MAN1C1: variants seen among roughly 807,000 people sequenced by gnomAD.
The protein encoded by MAN1C1 is mannosidase alpha class 1C member 1, also known as mannosyl-oligosaccharide 1,2-alpha-mannosidase IC.
In MAN1C1, 49 loss-of-function variants were observed where a neutral mutation model predicts 71.5. That is an observed-to-expected ratio of 0.69 (90% CI 0.54 to 0.87). The LOEUF is 0.87. Ranked by LOEUF, MAN1C1 falls within the 40% of genes least tolerant of loss-of-function variation. The probability of loss-of-function intolerance (pLI) is 0.00; values close to 1 mark genes in which losing one functional copy is unlikely to be tolerated. For synonymous variants in MAN1C1, 352 were observed against 343.7 expected, an observed-to-expected ratio of 1.02 and a Z score of -0.27; for missense variants, 743 against 835.0, an observed-to-expected ratio of 0.89 and a Z score of 1.36.
chr1:25,658,884 CA>C, intron 1 of MAN1C1: 1 of 152,616 alleles, frequency 6.6e-6, no homozygotes, highest in Non-Finnish European at 1.5e-5. Flanking sequence ...CACACACACA[CA>C]ATCTGAGCGG....
At chr1:25,698,006 A>G (rs2124208258) in intron 2 of MAN1C1, among the ~76,000 whole-genome samples, 1 of 152,242 alleles carries the variant, frequency 6.6e-6, no homozygotes, top group East Asian at 1.9e-4. Flanking sequence ...ACTGCCTGCT[A>G]AGCGCTGGTC....
intron 1 of MAN1C1, among the ~76,000 whole-genome samples, chr1:25,650,118 A>AT (rs1178800768): frequency 6.6e-6 from 1 of 152,174 alleles, no homozygotes; most frequent in African/African-American, 2.4e-5. Context: ...GTACACTCCC[A>AT]TGTCCACAGC....
At chr1:25,774,526 C>T (rs551551497) in intron 8 of MAN1C1, among the ~76,000 whole-genome samples, 23 of 152,294 alleles carry the variant, frequency 1.5e-4, no homozygotes, top group Admixed American at 7.2e-4. Context: ...ACCCCTCCCG[C>T]GAGTGCTCAG....
rs529855058 is a variant in MAN1C1 at position 25,673,980 on chromosome 1, C to G, written c.541-12460C>G. 2.8e-4 allele frequency among the ~76,000 whole-genome samples: 42 copies of G among 152,282 alleles called. No homozygotes were observed. In the South Asian group the frequency reaches 8.3e-3, roughly 30 times the overall value. On this transcript the variant is annotated intron_variant, in intron 1 of 11. Coordinates refer to ENST00000374332, the MANE Select transcript of MAN1C1 (RefSeq NM_020379.4). ...ACTTGTGGGTGACCTAAGATCTTTC[C>G]CACTGTCACTCATCTTTGTCCCCCA...
chr1:25,766,200 G>A (rs1245875669), intron 7 of MAN1C1, among the ~76,000 whole-genome samples: 2 of 152,158 alleles, frequency 1.3e-5, no homozygotes, highest in Non-Finnish European at 2.9e-5. Flanking sequence ...TCGCATATGG[G>A]AAATTGTTTC....
At chr1:25,692,117 C>A (rs367867191) in intron 2 of MAN1C1, among the ~76,000 whole-genome samples, 1 of 152,206 alleles carries the variant, frequency 6.6e-6, no homozygotes, top group South Asian at 2.1e-4. Context: ...AGAATGTTAA[C>A]TGGGGGACCG....
chr1:25,679,974 T>TAC (rs1387518952), intron 1 of MAN1C1, among the ~76,000 whole-genome samples: 6 of 132,230 alleles, frequency 4.5e-5, no homozygotes, highest in African/African-American at 9.2e-5. Flanking sequence ...TATATATATA[T>TAC]ATATACACAC....
rs558954430 is a variant in MAN1C1 at position 25,729,642 on chromosome 1, G to T, written c.638-17026G>T. On this transcript the variant is annotated intron_variant, in intron 2 of 11. Transcript: ENST00000374332. ...TTCTCCTGCCTCAGCCTCCCGAGTA[G>T]CTGGGACTACAGGCGCCCACCACCA... Among the ~76,000 whole-genome samples, 45 of 152,086 alleles carry T rather than the reference G, an allele frequency of 3.0e-4. No homozygotes were observed. In the Middle Eastern group the frequency reaches 0.01, roughly 35 times the overall value.
chr1:25,682,525 T>C (rs1227657162), intron 1 of MAN1C1, among the ~76,000 whole-genome samples: 1 of 152,114 alleles, frequency 6.6e-6, no homozygotes, highest in African/African-American at 2.4e-5. Flanking sequence ...GAACACTATG[T>C]CATGTGGGTC....
chr1:25,666,175 TTTC>T (rs1014021536), intron 1 of MAN1C1, among the ~76,000 whole-genome samples: 7 of 152,334 alleles, frequency 4.6e-5, no homozygotes, highest in African/African-American at 1.7e-4. Context: ...ATGCCTCTGA[TTTC>T]TTCTGGCTCT....
chr1:25,759,868 C>T (rs1242020039), intron 6 of MAN1C1: 2 of 152,162 alleles, frequency 1.3e-5, no homozygotes, highest in Non-Finnish European at 2.9e-5. Flanking sequence ...TGCCGCCACC[C>T]TTAAACAGTC....
chr1:25,724,641 C>A (rs2046810166), intron 2 of MAN1C1, among the ~76,000 whole-genome samples: 2 of 152,234 alleles, frequency 1.3e-5, no homozygotes, highest in Middle Eastern at 3.4e-3. Context: ...GACATGAATG[C>A]AGGAAGGGGT....
At chr1:25,640,516 T>G (rs908882232) in intron 1 of MAN1C1, among the ~76,000 whole-genome samples, 1 of 152,178 alleles carries the variant, frequency 6.6e-6, no homozygotes, top group Non-Finnish European at 1.5e-5. Context: ...AGTAGTCTTG[T>G]TTTTTAATTA....
intron 1 of MAN1C1, among the ~76,000 whole-genome samples, chr1:25,630,633 AT>A (rs554444422): frequency 6.6e-6 from 1 of 152,112 alleles, no homozygotes; most frequent in Admixed American, 6.6e-5. Context: ...AGTTAAGTAT[AT>A]TCCTAAGTTT....
At chr1:25,663,414 TC>T (rs560549388) in intron 1 of MAN1C1, among the ~76,000 whole-genome samples, 5 of 152,078 alleles carry the variant, frequency 3.3e-5, no homozygotes, top group Non-Finnish European at 5.9e-5. Context: ...ACTATGTTCT[TC>T]CTATACATAT....
chr1:25,618,140 A>G lies in MAN1C1; in HGVS notation c.343A>G (p.Thr115Ala). ...AGGGGGGCTGCGGCGCACCCGCCCCACTGGACCCCGCGAGGAGGCCACGGC... is the reference window on the plus strand; with the variant it reads ...AGGGGGGCTGCGGCGCACCCGCCCCGCTGGACCCCGCGAGGAGGCCACGGC... ...RKGGLRRTRP[T>A]GPREEATAAR... Residue 115 changes from threonine to alanine, a missense_variant, in exon 1 of 12, where the codon ACT becomes GCT. Coordinates refer to ENST00000374332, the MANE Select transcript of MAN1C1 (RefSeq NM_020379.4). 1 of 1,533,806 alleles carries G rather than the reference A, an allele frequency of 6.5e-7. No individual in the cohort carries two copies. Among genetic ancestry groups the G allele is most frequent in the South Asian group, 1.2e-5 (1 of 83,122 alleles).
chr1:25,778,466 G>C lies in MAN1C1; in HGVS notation c.1477+142G>C. 1 of 804,190 alleles carries C rather than the reference G, an allele frequency of 1.2e-6. No individual in the cohort carries two copies. The highest frequency in any genetic ancestry group is 1.9e-6 in the Non-Finnish European group (1 of 516,718). 49.8% of individuals were successfully genotyped at this position (804,190 alleles called of 1,614,324 possible). A position where few individuals can be genotyped will look rare whatever the true frequency, so the allele number is the denominator to read the frequency against. On this transcript the variant is annotated intron_variant, in intron 9 of 11. Coordinates refer to ENST00000374332, the MANE Select transcript of MAN1C1 (RefSeq NM_020379.4). The surrounding 1 kb of genome is among the most constrained non-coding windows in gnomAD (Gnocchi z 5.5). ...GGAAGTTAAGTAGAATTTGAGAGAG[G>C]TACTCTCCAGGCTCCGAGACCATAC...
At position 25,779,385 on chromosome 1, in the gene MAN1C1, C is replaced by T. The variant is rs548514548; in HGVS notation, c.1477+1061C>T. Among the ~76,000 whole-genome samples, 33 of 152,256 alleles carry T rather than the reference C, an allele frequency of 2.2e-4. No individual in the cohort carries two copies. The East Asian group carries it at 4.4e-3, about 21-fold the overall frequency. ...AGCAGCACTGCAGGCACTTGCTGAC[C>T]GCCCATCATGATGTGTCTGTGCCCG... On this transcript the variant is annotated intron_variant, in intron 9 of 11. Transcript: ENST00000374332. This position sits in a 1 kb window ranked among gnomAD's most constrained non-coding sequence, Gnocchi z 4.6.
chr1:25,775,975 C>T lies in MAN1C1; in HGVS notation c.1258-2130C>T, dbSNP rs1426085555. ...AATCTTGGCTCACCGCAACTTCTGC[C>T]TCCTGGATTCAAGTGATTCTCCCAC... On this transcript the variant is annotated intron_variant, in intron 8 of 11. Coordinates refer to ENST00000374332, the MANE Select transcript of MAN1C1 (RefSeq NM_020379.4). The surrounding 1 kb of genome is among the most constrained non-coding windows in gnomAD (Gnocchi z 5.1). 6.6e-6 allele frequency: 1 copy of T among 152,190 alleles called. No homozygotes were observed. The highest frequency in any genetic ancestry group is 2.4e-5 in the African/African-American group (1 of 41,396). 9.4% of individuals were successfully genotyped at this position (152,190 alleles called of 1,614,324 possible).
Sources: allele counts gnomAD v4.1 joint callset (sites outside exome capture counted in the v4.1 genomes callset), GRCh38; gene constraint gnomAD v4.1.1; non-coding constraint Gnocchi (gnomAD v3.1); transcripts MANE v1.5; gene names NCBI Gene and HGNC (gene_info 2026-07-23, HGNC 2026-07-21).